Variants in GPC5 observed in about 807,000 individuals in gnomAD.
GPC5 encodes glypican-5.
GPC5 carries 47 observed loss-of-function variants against 53.9 expected under a neutral mutation model. The observed-to-expected ratio is 0.87, with a 90% confidence interval of 0.69 to 1.11. The LOEUF (loss-of-function observed/expected upper bound fraction) is 1.11, where lower values mean the gene tolerates loss of function less well. GPC5 is among the 50% of genes most tolerant of loss of function. The pLI is 0.00. For missense variants in GPC5, 748 were observed against 713.1 expected (o/e 1.05, Z -0.56); for synonymous variants, 286 against 263.3 (o/e 1.09, Z -0.84).
At chr13:92,850,995 C>T (rs1484728312) in intron 7 of GPC5, among the ~76,000 whole-genome samples, 1 of 152,086 alleles carries the variant, frequency 6.6e-6, no homozygotes, top group African/African-American at 2.4e-5. Flanking sequence ...AGCATGGAGG[C>T]ATCTAGCCCT....
At chr13:91,898,089 G>A (rs1254125138) in intron 5 of GPC5, among the ~76,000 whole-genome samples, 2 of 152,090 alleles carry the variant, frequency 1.3e-5, no homozygotes, top group African/African-American at 2.4e-5. Flanking sequence ...CCAGGTCCCA[G>A]TAAAATACCA....
At chr13:91,424,361 C>CTTT (rs781733611) in intron 1 of GPC5, among the ~76,000 whole-genome samples, 26 of 113,430 alleles carry the variant, frequency 2.3e-4, no homozygotes, top group South Asian at 3.3e-4. Flanking sequence ...TCCAGTACTG[C>CTTT]TTTTTTTTTT....
At chr13:92,320,058 A>G (rs979534883) in intron 7 of GPC5, among the ~76,000 whole-genome samples, 1 of 152,172 alleles carries the variant, frequency 6.6e-6, no homozygotes, top group African/African-American at 2.4e-5. Context: ...AAAGTAATTA[A>G]TGTACCTATT....
Position 91,691,715 on chromosome 13 carries a change from C to T in GPC5, c.326-1472C>T, listed in dbSNP as rs113965560. 4.4e-3 allele frequency among the ~76,000 whole-genome samples: 676 copies of T among 152,256 alleles called. 5 individuals carry two copies. The highest frequency in any genetic ancestry group is 0.014 in the African/African-American group (597 of 41,544). ...GCGTTGTTATTTATTTGTACTTGGA[C>T]TCTGTGGCATATTCATGACACAGTT... On this transcript the variant is annotated intron_variant, in intron 2 of 7. Transcript: ENST00000377067.
chr13:91,501,240 G>GTTTTTTTT (rs140865584), intron 2 of GPC5, among the ~76,000 whole-genome samples: 2 of 106,464 alleles, frequency 1.9e-5, no homozygotes, highest in Non-Finnish European at 2.2e-5. Context: ...TTAAGACTTT[G>GTTTTTTTT]TTTTTTTTTT....
rs377167737 is a variant in GPC5 at position 91,693,565 on chromosome 13, T to C, written c.704T>C (p.Val235Ala). The part of the protein sequence containing the change: ...FLQALNLGIE[V>A]INTTDYLHFS... Reference sequence around the variant, plus strand: ...CAGGCACTCAATCTGGGCATTGAAGTCATCAACACCACAGACTATCTGCAC... The same window carrying C: ...CAGGCACTCAATCTGGGCATTGAAGCCATCAACACCACAGACTATCTGCAC... Residue 235 changes from valine (V) to alanine (A), a missense_variant, in exon 3 of 8, where the codon GTC becomes GCC. Coordinates refer to ENST00000377067, the MANE Select transcript of GPC5 (RefSeq NM_004466.6). The C allele has an allele frequency of 1.2e-6, 2 of 1,613,938 alleles. No homozygotes were observed. The highest frequency in any genetic ancestry group is 2.7e-5 in the African/African-American group (2 of 74,876).
intron 2 of GPC5, among the ~76,000 whole-genome samples, chr13:91,667,348 C>A (rs2035139758): frequency 6.6e-6 from 1 of 152,048 alleles, no homozygotes; most frequent in South Asian, 2.1e-4. Flanking sequence ...TATATGCCTT[C>A]TCTTTTATTT....
chr13:91,546,835 C>G (rs958665007), intron 2 of GPC5, among the ~76,000 whole-genome samples: 9 of 152,020 alleles, frequency 5.9e-5, no homozygotes, highest in Admixed American at 5.9e-4. Flanking sequence ...AAAAAGATCA[C>G]CTTGCTTAGA....
chr13:92,490,897 T>G (rs1416472031), intron 7 of GPC5, among the ~76,000 whole-genome samples: 1 of 152,078 alleles, frequency 6.6e-6, no homozygotes, highest in East Asian at 1.9e-4. Flanking sequence ...TGGAAATCTT[T>G]GTACTTATCA....
chr13:92,090,108 A>G (rs2041367945), intron 6 of GPC5, among the ~76,000 whole-genome samples: 1 of 152,234 alleles, frequency 6.6e-6, no homozygotes. Context: ...AACTTGAAGT[A>G]TAGTCTCTGA....
rs1491324657 is a variant in GPC5, at chr13:92,527,198, A to AGAAAG, written c.1562-339084_1562-339083insGAAAG. On this transcript the variant is annotated intron_variant, in intron 7 of 7. Coordinates refer to ENST00000377067, the MANE Select transcript of GPC5 (RefSeq NM_004466.6). ...AGAAAGAAAGAAGAAAGAAAGAAAGAAAGAAAGAAAGAAAGAAAGAAAGAA... is the reference window on the plus strand; with the variant it reads ...AGAAAGAAAGAAGAAAGAAAGAAAGAGAAAGAAGAAAGAAAGAAAGAAAGAAAGAA... Among the ~76,000 whole-genome samples the AGAAAG allele has an allele frequency of 3.3e-3, 86 of 26,192 alleles. 7 individuals are homozygous for AGAAAG. Among genetic ancestry groups the AGAAAG allele is most frequent in the East Asian group, 0.012 (5 of 406 alleles). 17.2% of individuals were successfully genotyped at this position (26,192 alleles called of 152,430 possible).
chr13:91,834,267 T>A lies in GPC5; in HGVS notation c.1281-73670T>A, dbSNP rs2038697189. 2.0e-5 allele frequency among the ~76,000 whole-genome samples: 3 copies of A among 152,010 alleles called. No individual in the cohort carries two copies. In the South Asian group the frequency reaches 6.2e-4, roughly 31 times the overall value. ...GAGAGGACACAAATAAATGGAAATA[T>A]ATTCCATGCTCATGGATAGAAAGAA... On this transcript the variant is annotated intron_variant, in intron 5 of 7. Coordinates refer to ENST00000377067, the MANE Select transcript of GPC5 (RefSeq NM_004466.6).
chr13:92,814,553 T>A (rs1017481177), intron 7 of GPC5, among the ~76,000 whole-genome samples: 1 of 151,066 alleles, frequency 6.6e-6, no homozygotes, highest in Non-Finnish European at 1.5e-5. Flanking sequence ...TCCAGCTATT[T>A]GGGAGGCTGA....
intron 6 of GPC5, among the ~76,000 whole-genome samples, chr13:92,003,108 C>T (rs9645879): frequency 2.0e-5 from 3 of 152,016 alleles, no homozygotes; most frequent in East Asian, 3.9e-4. Context: ...GTCTGGAGTT[C>T]GAGACCAGCT....
chr13:92,313,696 G>A (rs186062224), intron 7 of GPC5, among the ~76,000 whole-genome samples: 11 of 152,114 alleles, frequency 7.2e-5, no homozygotes, highest in East Asian at 1.9e-4. Context: ...AAAATCCCTC[G>A]TCTGTTCTCA....
intron 7 of GPC5, among the ~76,000 whole-genome samples, chr13:92,752,134 G>A (rs1046484332): frequency 2.0e-5 from 3 of 151,302 alleles, no homozygotes; most frequent in East Asian, 3.9e-4. Flanking sequence ...CTGACATTTC[G>A]AAACAAATAC....
At chr13:91,477,940 T>G in intron 2 of GPC5, among the ~76,000 whole-genome samples, 1 of 152,160 alleles carries the variant, frequency 6.6e-6, no homozygotes, top group Non-Finnish European at 1.5e-5. Context: ...TTTTGGAAAG[T>G]GGGAAAGTAG....
intron 7 of GPC5, among the ~76,000 whole-genome samples, chr13:92,209,755 G>A (rs2042361803): frequency 6.6e-6 from 1 of 152,156 alleles, no homozygotes; most frequent in African/African-American, 2.4e-5. Context: ...ATGTTAGACA[G>A]TGTATTAGGG....
intron 7 of GPC5, among the ~76,000 whole-genome samples, chr13:92,401,403 A>G (rs756808493): frequency 6.6e-6 from 1 of 152,092 alleles, no homozygotes; most frequent in South Asian, 2.1e-4. Context: ...TCCTTTCGCT[A>G]ATGTATTTAC....
Sources: allele counts gnomAD v4.1 joint callset (sites outside exome capture counted in the v4.1 genomes callset), GRCh38; gene constraint gnomAD v4.1.1; transcripts MANE v1.5; gene names NCBI Gene and HGNC (gene_info 2026-07-23, HGNC 2026-07-21).